Variants in DOCK1 observed in about 807,000 individuals in gnomAD.
DOCK1 encodes dedicator of cytokinesis protein 1.
DOCK1 carries 138 observed loss-of-function variants against 262.7 expected under a neutral mutation model. The ratio of observed to expected loss-of-function variants is 0.53; its 90% CI spans 0.46 to 0.61. The LOEUF (loss-of-function observed/expected upper bound fraction) is 0.61, where lower values mean the gene tolerates loss of function less well. Among genes scored for constraint, DOCK1 ranks in the 20% least tolerant of loss-of-function variants. DOCK1 has a pLI of 0.00. For synonymous variants in DOCK1, 866 were observed against 867.4 expected, an observed-to-expected ratio of 1.00 and a Z score of 0.03; for missense variants, 1,908 against 2,370.7, an observed-to-expected ratio of 0.80 and a Z score of 4.05.
At chr10:127,313,008 C>T (rs1380197153) in intron 29 of DOCK1, among the ~76,000 whole-genome samples, 2 of 152,158 alleles carry the variant, frequency 1.3e-5, no homozygotes, top group Admixed American at 6.5e-5. Flanking sequence ...CTCCCTGGCC[C>T]CTCCCAGTCC....
At chr10:127,220,586 C>A (rs1295288884) in intron 27 of DOCK1, among the ~76,000 whole-genome samples, 1 of 151,884 alleles carries the variant, frequency 6.6e-6, no homozygotes, top group Non-Finnish European at 1.5e-5. Context: ...GCAACCCTAG[C>A]TGTAAAGGGA....
At position 126,919,877 on chromosome 10, in the gene DOCK1, A is replaced by AAGG. The variant is rs1424594317; in HGVS notation, c.46+14315_46+14317dup. ...GGCACACCTTGCCGTACATTGAATG[A>AAGG]AGGCAAAGGGAGAGATTTCATCATA... On this transcript the variant is annotated intron_variant, in intron 1 of 51. Coordinates refer to ENST00000623213, the MANE Select transcript of DOCK1 (RefSeq NM_001290223.2). Among the ~76,000 whole-genome samples the AAGG allele has an allele frequency of 2.6e-5, 4 of 152,308 alleles. No individual in the cohort carries two copies. The East Asian group carries it at 7.7e-4, about 29-fold the overall frequency.
At chr10:127,113,370 G>C (rs1300924759) in intron 25 of DOCK1, among the ~76,000 whole-genome samples, 3 of 152,206 alleles carry the variant, frequency 2.0e-5, no homozygotes, top group Non-Finnish European at 2.9e-5. Context: ...CCTGGGTGAA[G>C]TGAGATTCCC....
At chr10:126,927,634 A>G (rs1283866014) in intron 1 of DOCK1, among the ~76,000 whole-genome samples, 1 of 152,042 alleles carries the variant, frequency 6.6e-6, no homozygotes, top group Admixed American at 6.6e-5. Flanking sequence ...ACGGGGTTTC[A>G]TCTTGTTGGT....
intron 29 of DOCK1, among the ~76,000 whole-genome samples, chr10:127,332,560 C>T (rs192407222): frequency 6.2e-4 from 94 of 152,270 alleles, no homozygotes; most frequent in African/African-American, 2.2e-3. Flanking sequence ...CCGTCTCTCA[C>T]GGTCTGGCCC....
chr10:126,941,573 G>A lies in DOCK1; in HGVS notation c.47-29129G>A, dbSNP rs899268919. On this transcript the variant is annotated intron_variant, in intron 1 of 51. Transcript: ENST00000623213. ...AGATCGAGACCATCCTGGCTAACAC[G>A]GTGAAACCCTGTCTCTACTAAAAGT... Among the ~76,000 whole-genome samples the A allele has an allele frequency of 1.9e-3, 285 of 152,206 alleles. 2 individuals are homozygous for A. The highest frequency in any genetic ancestry group is 3.6e-3 in the African/African-American group (151 of 41,556).
rs2133911019 is a variant in DOCK1, at chr10:127,176,528, C to T, written c.2847+48764C>T. The T allele has an allele frequency of 1.3e-6, 1 of 756,650 alleles. No homozygotes were observed. The highest frequency in any genetic ancestry group is 2.6e-4 in the Middle Eastern group (1 of 3,920). 46.9% of individuals were successfully genotyped at this position (756,650 alleles called of 1,614,324 possible). On this transcript the variant is annotated intron_variant, in intron 27 of 51. Coordinates refer to ENST00000623213, the MANE Select transcript of DOCK1 (RefSeq NM_001290223.2). This position sits in a 1 kb window ranked among gnomAD's most constrained non-coding sequence, Gnocchi z 4.4. ...ATTATATTTAAGCAGGTGAGGTCGG[C>T]CTTTATGTTAAGGAAAATCACACGG... is the stretch of plus-strand genomic sequence containing the variant.
In DOCK1 at chr10:127,418,475, G is replaced by A. The variant is rs376719633; in HGVS notation, c.4626G>A (p.Pro1542=). ...ATGACCCCAGCCTGCCCATCAACCC[G>A]CTCTCCATGCTCCTGAACGGCATCG... is the stretch of plus-strand genomic sequence containing the variant. ...HLDDPSLPIN[P]LSMLLNGIVD... The change falls in exon 45 of 52, where the codon CCG becomes CCA. Residue 1542 remains proline (P), a synonymous_variant. Coordinates refer to ENST00000623213, the MANE Select transcript of DOCK1 (RefSeq NM_001290223.2). The A allele has an allele frequency of 6.7e-5, 108 of 1,613,968 alleles. No homozygotes were observed. The highest frequency in any genetic ancestry group is 8.7e-5 in the Non-Finnish European group (103 of 1,180,028).
chr10:127,168,704 G>A (rs925581865), intron 27 of DOCK1, among the ~76,000 whole-genome samples: 2 of 152,146 alleles, frequency 1.3e-5, no homozygotes, highest in Non-Finnish European at 2.9e-5. Flanking sequence ...AATTGGGATG[G>A]GATCACCTCA....
intron 32 of DOCK1, among the ~76,000 whole-genome samples, chr10:127,357,769 A>G (rs2064215273): frequency 1.3e-5 from 2 of 152,154 alleles, no homozygotes; most frequent in Non-Finnish European, 2.9e-5. Flanking sequence ...CCTTGCTGGT[A>G]AAATAAGTTA....
chr10:127,338,033 A>C (rs552479961), intron 29 of DOCK1, among the ~76,000 whole-genome samples: 1 of 152,302 alleles, frequency 6.6e-6, no homozygotes, highest in South Asian at 2.1e-4. Context: ...TTCTCCAGGC[A>C]CGCTTGGCTG....
intron 1 of DOCK1, among the ~76,000 whole-genome samples, chr10:126,961,656 G>T (rs982549672): frequency 3.3e-5 from 5 of 152,244 alleles, no homozygotes; most frequent in Admixed American, 1.3e-4. Flanking sequence ...AGGTTCACCC[G>T]TGTTGTAATG....
chr10:127,345,797 C>T (rs2063606650), intron 31 of DOCK1, among the ~76,000 whole-genome samples: 1 of 152,094 alleles, frequency 6.6e-6, no homozygotes, highest in Admixed American at 6.5e-5. Flanking sequence ...AGCAGGGGCG[C>T]AGGCTCCTGC....
intron 29 of DOCK1, 168 bp downstream of exon 29, chr10:127,257,597 G>C: frequency 1.9e-6 from 1 of 520,620 alleles, no homozygotes; most frequent in East Asian, 3.0e-5. Context: ...CTCTGAGTTT[G>C]TGGTGACTTC....
At chr10:127,447,356 GA>G in intron 50 of DOCK1, 37 bp from the exon 51 acceptor site, 1 of 1,595,538 alleles carries the variant, frequency 6.3e-7, no homozygotes, top group East Asian at 2.3e-5. Context: ...GCTCCGTGGG[GA>G]AGTCGGGCTG....
intron 1 of DOCK1, among the ~76,000 whole-genome samples, chr10:126,952,879 G>T (rs1353410770): frequency 1.3e-4 from 1 of 7,898 alleles, no homozygotes; most frequent in African/African-American, 6.8e-4. Context: ...TATTGTTATT[G>T]TTGGTAGTAT....
At chr10:127,385,024 T>G in intron 38 of DOCK1, 115 bp downstream of exon 38, 1 of 1,310,554 alleles carries the variant, frequency 7.6e-7, no homozygotes, top group Non-Finnish European at 1.0e-6. Context: ...TGTTACAAGT[T>G]GTATATTGAA....
At chr10:127,306,410 C>T (rs973451731) in intron 29 of DOCK1, among the ~76,000 whole-genome samples, 2 of 152,250 alleles carry the variant, frequency 1.3e-5, no homozygotes, top group South Asian at 2.1e-4. Context: ...TAGGTTTCCA[C>T]GTTCACCGAT....
At chr10:127,362,902 TACATCTCCACACACACATATACACATGC>T (rs2064614077) in intron 33 of DOCK1, among the ~76,000 whole-genome samples, 1 of 7,020 alleles carries the variant, frequency 1.4e-4, no homozygotes, top group African/African-American at 6.0e-4. Context: ...CACACACATG[TACATCTCCACACACACATATACACATGC>T]ACATCCCCCC....
Sources: allele counts gnomAD v4.1 joint callset (sites outside exome capture counted in the v4.1 genomes callset), GRCh38; gene constraint gnomAD v4.1.1; non-coding constraint Gnocchi (gnomAD v3.1); transcripts MANE v1.5; gene names NCBI Gene and HGNC (gene_info 2026-07-23, HGNC 2026-07-21).